Variants in KCNH5 observed in about 807,000 individuals in gnomAD.
KCNH5 encodes voltage-gated delayed rectifier potassium channel KCNH5.
KCNH5 carries 46 observed loss-of-function variants against 96.1 expected under a neutral mutation model. That is an observed-to-expected ratio of 0.48 (90% CI 0.38 to 0.61). The LOEUF (loss-of-function observed/expected upper bound fraction) is 0.61. Among genes scored for constraint, KCNH5 ranks in the 20% least tolerant of loss-of-function variants. The probability of loss-of-function intolerance (pLI) is 0.00; values close to 1 mark genes in which losing one functional copy is unlikely to be tolerated. For missense variants in KCNH5, 907 were observed against 1,225.8 expected (o/e 0.74, Z 3.88); for synonymous variants, 439 against 449.8 (o/e 0.98, Z 0.30).
intron 7 of KCNH5, among the ~76,000 whole-genome samples, chr14:62,853,480 TC>T (rs68167361): frequency 0.14 from 7,009 of 48,506 alleles, 797 homozygotes; most frequent in African/African-American, 0.38. Context: ...TATATATATA[TC>T]ATATATATAT....
intron 2 of KCNH5, among the ~76,000 whole-genome samples, chr14:63,006,943 T>C (rs963676082): frequency 1.3e-5 from 2 of 152,130 alleles, no homozygotes; most frequent in Non-Finnish European, 2.9e-5. Flanking sequence ...GATAAACCCA[T>C]ATGACATTTT....
chr14:62,816,245 ACT>A (rs1319220480), intron 8 of KCNH5, among the ~76,000 whole-genome samples: 1 of 151,958 alleles, frequency 6.6e-6, no homozygotes, highest in African/African-American at 2.4e-5. Flanking sequence ...TTTTCACAAC[ACT>A]AACACTTACA....
At chr14:63,016,507 T>C (rs532159433) in intron 2 of KCNH5, among the ~76,000 whole-genome samples, 1 of 152,214 alleles carries the variant, frequency 6.6e-6, no homozygotes, top group South Asian at 2.1e-4. Context: ...GTAGATCACA[T>C]GCCACAAGTT....
chr14:62,835,821 G>T (rs1026622664), intron 8 of KCNH5, among the ~76,000 whole-genome samples: 137 of 151,444 alleles, frequency 9.0e-4, no homozygotes, highest in Admixed American at 2.7e-3. Context: ...GCTTGTTTTG[G>T]TTTTTTTTGT....
chr14:62,883,701 C>A (rs908618928), intron 7 of KCNH5, among the ~76,000 whole-genome samples: 14 of 152,076 alleles, frequency 9.2e-5, no homozygotes, highest in Admixed American at 9.2e-4. Context: ...TGGAGGGAGA[C>A]TTTTACTTTT....
At position 62,998,800 on chromosome 14, in the gene KCNH5, C is replaced by T. The variant is rs189942427; in HGVS notation, c.433+2531G>A. Among the ~76,000 whole-genome samples the T allele has an allele frequency of 2.6e-5, 4 of 152,186 alleles. No homozygotes were observed. The East Asian group carries it at 5.8e-4, about 22-fold the overall frequency. ...ATTTCTAGTTTAATTCCACTTTGGT[C>T]TGATAACATACTTTTTAAGATTTAT... is the stretch of plus-strand genomic sequence containing the variant. On this transcript the variant is annotated intron_variant, in intron 4 of 10. Coordinates refer to ENST00000322893, the MANE Select transcript of KCNH5 (RefSeq NM_139318.5).
chr14:62,842,852 T>G (rs1048075965), intron 8 of KCNH5, among the ~76,000 whole-genome samples: 11 of 152,242 alleles, frequency 7.2e-5, no homozygotes, highest in African/African-American at 2.7e-4. Context: ...ATTTTTATAC[T>G]ATAATTCTTT....
chr14:62,850,101 T>C (rs534430490), intron 7 of KCNH5, among the ~76,000 whole-genome samples: 2 of 152,274 alleles, frequency 1.3e-5, no homozygotes, highest in Admixed American at 6.5e-5. Flanking sequence ...AGTCATCTTT[T>C]CTGAAGAATC....
chr14:62,703,877 A>C lies in KCNH5; in HGVS notation c.*3631T>G, dbSNP rs1884384935. 1 of 151,952 alleles carries C rather than the reference A, an allele frequency of 6.6e-6. No homozygotes were observed. The highest frequency in any genetic ancestry group is 1.5e-5 in the Non-Finnish European group (1 of 67,830). 9.4% of individuals were successfully genotyped at this position (151,952 alleles called of 1,614,324 possible). On this transcript the variant is annotated 3_prime_UTR_variant, in exon 11 of 11. Coordinates refer to ENST00000322893, the MANE Select transcript of KCNH5 (RefSeq NM_139318.5). ...AAAATTATACAAGATAGTGGAATTC[A>C]TTAGAAATATGATGAATAATTTCAC...
intron 2 of KCNH5, among the ~76,000 whole-genome samples, chr14:63,014,292 G>A (rs1197844544): frequency 1.3e-5 from 2 of 152,106 alleles, no homozygotes; most frequent in Non-Finnish European, 2.9e-5. Context: ...GAGCATGTGA[G>A]ACCTAGGTTA....
chr14:62,909,267 G>C, intron 7 of KCNH5, among the ~76,000 whole-genome samples: 1 of 151,132 alleles, frequency 6.6e-6, no homozygotes, highest in Non-Finnish European at 1.5e-5. Context: ...GGATGGTCTC[G>C]ATCTCCTGAC....
At chr14:62,787,374 C>T (rs1369913958) in intron 9 of KCNH5, among the ~76,000 whole-genome samples, 1 of 152,096 alleles carries the variant, frequency 6.6e-6, no homozygotes, top group African/African-American at 2.4e-5. Context: ...GAGGAAGCTG[C>T]AGAAGAAAAG....
chr14:62,826,844 T>A lies in KCNH5; in HGVS notation c.1569+22809A>T, dbSNP rs926184988. On this transcript the variant is annotated intron_variant, in intron 8 of 10. Transcript: ENST00000322893. ...TTTCATCATATGTATTTTACTTTACTATTTTTTCTGTATTTTATAAAAATT... is the reference window on the plus strand; with the variant it reads ...TTTCATCATATGTATTTTACTTTACAATTTTTTCTGTATTTTATAAAAATT... Among the ~76,000 whole-genome samples the A allele has an allele frequency of 4.6e-5, 7 of 152,134 alleles. No individual in the cohort carries two copies. In the South Asian group the frequency reaches 1.4e-3, roughly 32 times the overall value.
chr14:62,942,997 T>G (rs1566716375), intron 7 of KCNH5, among the ~76,000 whole-genome samples: 2 of 152,038 alleles, frequency 1.3e-5, no homozygotes. Context: ...ATACCCAAAT[T>G]CCAATCTCAT....
chr14:63,031,880 T>A (rs1008138734), intron 1 of KCNH5, among the ~76,000 whole-genome samples: 2 of 152,084 alleles, frequency 1.3e-5, no homozygotes, highest in Non-Finnish European at 2.9e-5. Flanking sequence ...TATATACAAT[T>A]TTTAAGACGT....
chr14:62,823,770 C>A (rs1255829093), intron 8 of KCNH5, among the ~76,000 whole-genome samples: 1 of 152,022 alleles, frequency 6.6e-6, no homozygotes, highest in Non-Finnish European at 1.5e-5. Context: ...TGGCATTCAT[C>A]ATTATCTAGA....
At chr14:62,724,557 T>C (rs924941866) in intron 10 of KCNH5, among the ~76,000 whole-genome samples, 15 of 152,246 alleles carry the variant, frequency 9.9e-5, no homozygotes, top group Admixed American at 6.5e-5. Flanking sequence ...GAAATTTCTA[T>C]GGTCCTTAGT....
At position 62,755,249 on chromosome 14, in the gene KCNH5, T is replaced by A. The variant is rs190206524; in HGVS notation, c.2019+24479A>T. The stretch of plus-strand genomic sequence containing the variant: ...AAATAAAATCAGAGATGAAAAAGGA[T>A]AAAGTATAACCAATACAGCAGAAAT... On this transcript the variant is annotated intron_variant, in intron 10 of 10. Transcript: ENST00000322893. 3.6e-4 allele frequency among the ~76,000 whole-genome samples: 55 copies of A among 151,858 alleles called. 3 individuals are homozygous for A. Among genetic ancestry groups the A allele is most frequent in the Admixed American group, 2.3e-3 (35 of 15,262 alleles).
In KCNH5 at chr14:62,987,207, A is replaced by T; in HGVS notation, c.434-20T>A. 1 of 1,553,762 alleles carries T rather than the reference A, an allele frequency of 6.4e-7. No individual in the cohort carries two copies. Among genetic ancestry groups the T allele is most frequent in the Non-Finnish European group, 8.9e-7 (1 of 1,125,502 alleles). ...TCCAACCTTAAAAATAAGGAAAGAAAGTCTCAGTTTTTCATACAAATGAAT... is the reference window on the plus strand; with the variant it reads ...TCCAACCTTAAAAATAAGGAAAGAATGTCTCAGTTTTTCATACAAATGAAT... On this transcript the variant is annotated intron_variant, in intron 4 of 10. Transcript: ENST00000322893.
Sources: gnomAD v4.1 joint callset for allele counts (sites outside exome capture counted in the v4.1 genomes callset) on GRCh38, gnomAD v4.1.1 for gene constraint, MANE v1.5 for transcripts, NCBI Gene and HGNC (gene_info 2026-07-23, HGNC 2026-07-21) for gene names.